NLGN1: variants seen among roughly 807,000 people sequenced by gnomAD.
NLGN1 encodes the protein neuroligin-1.
In NLGN1, 12 loss-of-function variants were observed where a neutral mutation model predicts 65.5. The observed-to-expected ratio is 0.18, with a 90% CI of 0.12 to 0.30. The LOEUF is 0.30. Among genes scored for constraint, NLGN1 ranks in the 10% least tolerant of loss-of-function variants. The pLI is 1.00. For missense variants in NLGN1, 750 were observed against 1,007.1 expected, an observed-to-expected ratio of 0.74 and a Z score of 3.46; for synonymous variants, 350 against 359.5, an observed-to-expected ratio of 0.97 and a Z score of 0.30.
intron 3 of NLGN1, among the ~76,000 whole-genome samples, chr3:173,737,739 G>T (rs1237274106): frequency 1.3e-5 from 2 of 152,016 alleles, no homozygotes; most frequent in African/African-American, 4.8e-5. Flanking sequence ...AATTTGCATG[G>T]ACATGTTTTT....
intron 4 of NLGN1, among the ~76,000 whole-genome samples, chr3:173,815,603 G>T (rs994998161): frequency 6.6e-6 from 1 of 151,960 alleles, no homozygotes; most frequent in Admixed American, 6.6e-5. Flanking sequence ...TGACTGCTTC[G>T]TCTCAGTCTC....
intron 4 of NLGN1, among the ~76,000 whole-genome samples, chr3:174,105,465 C>T (rs928919383): frequency 2.6e-5 from 4 of 152,052 alleles, no homozygotes; most frequent in Admixed American, 2.6e-4. Flanking sequence ...ATCACTTGAG[C>T]TCAGGGATGT....
At chr3:174,147,322 A>G (rs914817542) in intron 4 of NLGN1, among the ~76,000 whole-genome samples, 1 of 149,658 alleles carries the variant, frequency 6.7e-6, no homozygotes, top group Non-Finnish European at 1.5e-5. Context: ...ACCGAACAAG[A>G]GCAAATTGTT....
chr3:174,263,605 A>G (rs1424281045), intron 4 of NLGN1, among the ~76,000 whole-genome samples: 2 of 152,092 alleles, frequency 1.3e-5, no homozygotes, highest in Admixed American at 1.3e-4. Context: ...ATTCCTGAAT[A>G]CAGCACACTG....
chr3:173,939,315 A>C (rs542644905), intron 4 of NLGN1, among the ~76,000 whole-genome samples: 8 of 152,212 alleles, frequency 5.3e-5, no homozygotes, highest in Non-Finnish European at 1.0e-4. Context: ...ACTGAAAAGA[A>C]TCAAGTTAAA....
intron 2 of NLGN1, among the ~76,000 whole-genome samples, chr3:173,454,067 C>A (rs1421117463): frequency 2.0e-5 from 3 of 152,152 alleles, no homozygotes; most frequent in Admixed American, 6.5e-5. Context: ...GCATTAATCT[C>A]TTGTATATCT....
chr3:173,875,014 A>G (rs1369880223), intron 4 of NLGN1, among the ~76,000 whole-genome samples: 1 of 152,132 alleles, frequency 6.6e-6, no homozygotes, highest in Admixed American at 6.5e-5. Flanking sequence ...TAACCTCAGA[A>G]AGTCTTTAGG....
chr3:173,474,837 A>T (rs1392685223), intron 2 of NLGN1, among the ~76,000 whole-genome samples: 2 of 152,134 alleles, frequency 1.3e-5, no homozygotes, highest in African/African-American at 2.4e-5. Context: ...GCACGCCTGT[A>T]ATCCTGGCTA....
intron 2 of NLGN1, among the ~76,000 whole-genome samples, chr3:173,536,564 C>A (rs1420710383): frequency 1.3e-5 from 2 of 152,212 alleles, no homozygotes; most frequent in African/African-American, 4.8e-5. Context: ...TCCAAACTCA[C>A]TGAAGTTGGA....
At chr3:173,716,177 C>T (rs961572902) in intron 3 of NLGN1, among the ~76,000 whole-genome samples, 6 of 152,056 alleles carry the variant, frequency 3.9e-5, no homozygotes, top group African/African-American at 1.2e-4. Context: ...TGAATTTGCA[C>T]GTTCAGGAAA....
chr3:173,456,919 C>T (rs1052199187), intron 2 of NLGN1, among the ~76,000 whole-genome samples: 1 of 152,078 alleles, frequency 6.6e-6, no homozygotes, highest in Non-Finnish European at 1.5e-5. Flanking sequence ...GATCCCCTGA[C>T]AAGAGTTGTG....
At chr3:174,215,048 TCAGGGAACTGA>T (rs1052263540) in intron 4 of NLGN1, among the ~76,000 whole-genome samples, 1 of 152,056 alleles carries the variant, frequency 6.6e-6, no homozygotes, top group Non-Finnish European at 1.5e-5. Context: ...TTAGAAACTG[TCAGGGAACTGA>T]CAGGGAACTC....
At chr3:173,625,149 C>T (rs924305245) in intron 3 of NLGN1, among the ~76,000 whole-genome samples, 1 of 152,116 alleles carries the variant, frequency 6.6e-6, no homozygotes, top group Non-Finnish European at 1.5e-5. Context: ...GGGGATACCA[C>T]TGTCAGAAGT....
At chr3:173,489,189 CTCA>C (rs967435840) in intron 2 of NLGN1, among the ~76,000 whole-genome samples, 4 of 151,926 alleles carry the variant, frequency 2.6e-5, no homozygotes, top group African/African-American at 9.7e-5. Flanking sequence ...CACCAATTAA[CTCA>C]TCATTTACAT....
At chr3:173,637,081 A>G (rs777763623) in intron 3 of NLGN1, among the ~76,000 whole-genome samples, 2 of 152,158 alleles carry the variant, frequency 1.3e-5, no homozygotes, top group Non-Finnish European at 2.9e-5. Flanking sequence ...TTAAAAAAAT[A>G]GTTACTTTGC....
chr3:173,929,059 A>C (rs1287230036), intron 4 of NLGN1, among the ~76,000 whole-genome samples: 1 of 152,116 alleles, frequency 6.6e-6, no homozygotes, highest in African/African-American at 2.4e-5. Flanking sequence ...GTATTTAAGA[A>C]CCTCTAAATT....
intron 4 of NLGN1, among the ~76,000 whole-genome samples, chr3:174,069,755 AC>A (rs1390479435): frequency 2.0e-5 from 3 of 152,166 alleles, no homozygotes; most frequent in Non-Finnish European, 4.4e-5. Context: ...TCAGATAAGT[AC>A]CAGGAAAATA....
At chr3:173,995,385 A>G (rs1386903272) in intron 4 of NLGN1, among the ~76,000 whole-genome samples, 1 of 152,112 alleles carries the variant, frequency 6.6e-6, no homozygotes, top group Non-Finnish European at 1.5e-5. Context: ...TTCTTGAGTT[A>G]TATGTTACAA....
chr3:173,572,760 C>T (rs979048086), intron 2 of NLGN1, among the ~76,000 whole-genome samples: 1 of 152,144 alleles, frequency 6.6e-6, no homozygotes, highest in African/African-American at 2.4e-5. Context: ...CTCATCTGAT[C>T]AGTCCTTTCA....
Sources: gnomAD v4.1 joint callset for allele counts (sites outside exome capture counted in the v4.1 genomes callset) on GRCh38, gnomAD v4.1.1 for gene constraint, MANE v1.5 for transcripts, NCBI Gene and HGNC (gene_info 2026-07-23, HGNC 2026-07-21) for gene names.